Variants in ACOT12 observed in about 807,000 individuals in gnomAD.
ACOT12 encodes acetyl-coenzyme A thioesterase.
ACOT12 carries 51 observed loss-of-function variants against 67.7 expected under a neutral mutation model. The observed-to-expected ratio is 0.75, with a 90% CI of 0.60 to 0.95. The LOEUF (loss-of-function observed/expected upper bound fraction) is 0.95, where lower values mean the gene tolerates loss of function less well. Among genes scored for constraint, ACOT12 ranks in the 40% least tolerant of loss-of-function variants. ACOT12 has a pLI of 0.00. For synonymous variants in ACOT12, 251 were observed against 244.6 expected, an observed-to-expected ratio of 1.03 and a Z score of -0.24; for missense variants, 734 against 708.1, an observed-to-expected ratio of 1.04 and a Z score of -0.41.
At chr5:81,379,657 T>C (rs978704217) in intron 2 of ACOT12, among the ~76,000 whole-genome samples, 5 of 152,260 alleles carry the variant, frequency 3.3e-5, no homozygotes, top group African/African-American at 1.2e-4. Flanking sequence ...CCTGGTCTTA[T>C]CTGGCTCCAA....
the ACOT12 span, chr5:81,311,228 T>A: frequency 1.2e-6 from 2 of 1,614,140 alleles, no homozygotes; most frequent in Admixed American, 3.3e-5. Context: ...TTGCAAACTT[T>A]GTGGCTCTGT....
downstream of ACOT12, among the ~76,000 whole-genome samples, chr5:81,326,203 GCAACCTC>G (rs1004281124): frequency 1.5e-5 from 2 of 136,704 alleles, no homozygotes; most frequent in African/African-American, 5.6e-5. Flanking sequence ...TCGGCTCACT[GCAACCTC>G]CACCTCCTGG....
chr5:81,352,099 G>T lies in ACOT12; in HGVS notation c.497-4169C>A, dbSNP rs77177757. Reference sequence around the variant, plus strand: ...AAAATGCCTTTTATCCCAAAGACAGGCAATAACCAGTGCTGGTAAGGATGT... The same window carrying T: ...AAAATGCCTTTTATCCCAAAGACAGTCAATAACCAGTGCTGGTAAGGATGT... On this transcript the variant is annotated intron_variant, in intron 5 of 14. Coordinates refer to ENST00000307624, the MANE Select transcript of ACOT12 (RefSeq NM_130767.3). Among the ~76,000 whole-genome samples the T allele has an allele frequency of 9.4e-3, 1,438 of 152,242 alleles. 17 individuals are homozygous for T. Among genetic ancestry groups the T allele is most frequent in the African/African-American group, 0.033 (1,379 of 41,540 alleles).
chr5:81,369,018 G>A (rs1044430157), intron 3 of ACOT12, among the ~76,000 whole-genome samples: 1 of 152,190 alleles, frequency 6.6e-6, no homozygotes, highest in East Asian at 1.9e-4. Flanking sequence ...TGATGGGAAC[G>A]TTGTATATTA....
chr5:81,391,500 G>A (rs1322294010), intron 1 of ACOT12, among the ~76,000 whole-genome samples: 2 of 152,104 alleles, frequency 1.3e-5, no homozygotes, highest in Non-Finnish European at 2.9e-5. Flanking sequence ...TTAGTGTTTT[G>A]CCCAGAGTTT....
intron 5 of ACOT12, among the ~76,000 whole-genome samples, chr5:81,349,913 A>G (rs1447520467): frequency 6.6e-6 from 1 of 152,184 alleles, no homozygotes; most frequent in Non-Finnish European, 1.5e-5. Flanking sequence ...ATTTTTGCTT[A>G]GAAGTATCAG....
chr5:81,370,032 T>C (rs528423599), intron 3 of ACOT12, among the ~76,000 whole-genome samples: 27 of 152,296 alleles, frequency 1.8e-4, no homozygotes, highest in Middle Eastern at 3.4e-3. Flanking sequence ...TGATCGATCC[T>C]AGCACTTTGG....
chr5:81,325,944 G>A (rs1434941290), downstream of ACOT12, among the ~76,000 whole-genome samples: 1 of 151,748 alleles, frequency 6.6e-6, no homozygotes, highest in Non-Finnish European at 1.5e-5. Context: ...CAAGTGGCTG[G>A]GACTACAGGC....
chr5:81,326,048 C>G (rs934294614), downstream of ACOT12, among the ~76,000 whole-genome samples: 2 of 151,712 alleles, frequency 1.3e-5, no homozygotes, highest in Non-Finnish European at 2.9e-5. Context: ...CTCAAGTGAT[C>G]CATGTGCCTC....
At chr5:81,370,669 C>T (rs180705425) in intron 3 of ACOT12, among the ~76,000 whole-genome samples, 466 of 152,292 alleles carry the variant, frequency 3.1e-3, no homozygotes, top group Non-Finnish European at 4.8e-3. Context: ...GATTATCCCT[C>T]CAGCCCTCAG....
At chr5:81,342,792 T>G (rs753431167) in intron 10 of ACOT12, 37 bp from the exon 11 acceptor site, 5 of 1,588,724 alleles carry the variant, frequency 3.1e-6, no homozygotes, top group Non-Finnish European at 4.3e-6. Flanking sequence ...AGCTATGTGT[T>G]CAATACATGG....
At chr5:81,311,300 C>T in the ACOT12 span, 1 of 1,611,176 alleles carries the variant, frequency 6.2e-7, no homozygotes, top group Non-Finnish European at 8.5e-7. Context: ...TGGGCCTCTA[C>T]TTAGAAGGGG....
chr5:81,318,279 T>C, the ACOT12 span, among the ~76,000 whole-genome samples: 1 of 152,196 alleles, frequency 6.6e-6, no homozygotes, highest in African/African-American at 2.4e-5. Flanking sequence ...CAGCACTGTT[T>C]GTTGAAAATT....
chr5:81,323,919 C>T, the ACOT12 span, among the ~76,000 whole-genome samples: 34 of 142,928 alleles, frequency 2.4e-4, no homozygotes, highest in East Asian at 8.0e-4. Context: ...CGTATATATA[C>T]GTGTATATAT....
the ACOT12 span, among the ~76,000 whole-genome samples, chr5:81,313,586 A>C: frequency 2.0e-5 from 3 of 152,196 alleles, no homozygotes; most frequent in East Asian, 5.8e-4. Flanking sequence ...TACTTAATAC[A>C]TATATTTCAC....
chr5:81,392,159 GTC>G (rs1760883837), intron 1 of ACOT12, among the ~76,000 whole-genome samples: 1 of 152,146 alleles, frequency 6.6e-6, no homozygotes, highest in Non-Finnish European at 1.5e-5. Context: ...GTGCCTAGGG[GTC>G]ATAGAAATGC....
At chr5:81,348,052 C>A in intron 5 of ACOT12, 122 bp from the exon 6 acceptor site, 1 of 1,088,302 alleles carries the variant, frequency 9.2e-7, no homozygotes, top group South Asian at 1.8e-5. Context: ...GTTCTCAAAG[C>A]CTTAAGACTG....
chr5:81,323,860 G>GTA, the ACOT12 span, among the ~76,000 whole-genome samples: 5 of 101,898 alleles, frequency 4.9e-5, no homozygotes, highest in South Asian at 2.9e-4. Context: ...ACATGTATAT[G>GTA]CATATGTATA....
At chr5:81,362,741 A>T (rs1477622258) in intron 4 of ACOT12, among the ~76,000 whole-genome samples, 1 of 152,170 alleles carries the variant, frequency 6.6e-6, no homozygotes, top group Non-Finnish European at 1.5e-5. Context: ...GCTCCGTGGG[A>T]TGCTTTGGCA....
Sources: gnomAD v4.1 joint callset for allele counts (sites outside exome capture counted in the v4.1 genomes callset) on GRCh38, gnomAD v4.1.1 for gene constraint, MANE v1.5 for transcripts, NCBI Gene and HGNC (gene_info 2026-07-23, HGNC 2026-07-21) for gene names.